The following OR5V1 variants were observed in gnomAD, a reference collection of about 807,000 sequenced individuals.
The protein encoded by OR5V1 is olfactory receptor family 5 subfamily V member 1, also known as olfactory receptor 5V1.
For missense variants in OR5V1, 365 were observed against 371.5 expected (o/e 0.98, Z 0.14); for synonymous variants, 134 against 143.2 (o/e 0.94, Z 0.46).
chr6:29,362,861 C>G (rs12197616), intron 1 of OR5V1, among the ~76,000 whole-genome samples: 27 of 151,626 alleles, frequency 1.8e-4, no homozygotes, highest in African/African-American at 6.3e-4. Flanking sequence ...GATTTAAAAT[C>G]GACCCCCTAA....
Position 29,355,752 on chromosome 6 carries a change from G to T in OR5V1, c.444C>A (p.Cys148Ter). ...CTGAGTTAAGGAAACCAGCAGCCCA[G>T]CATGAGGCTGCTAATTGATTGCATA... is the stretch of plus-strand genomic sequence containing the variant. ...KVLCNQLAAS[C>*]WAAGFLNSVV... The change falls in exon 2 of 2, where the codon TGC becomes TGA. Residue 148 changes from cysteine (C) to a stop codon, truncating the protein, a stop_gained. Transcript: ENST00000641768. LOFTEE classifies it low-confidence loss of function (END_TRUNC). 1 of 1,613,818 alleles carries T rather than the reference G, an allele frequency of 6.2e-7. No individual in the cohort carries two copies. Among genetic ancestry groups the T allele is most frequent in the South Asian group, 1.1e-5 (1 of 91,080 alleles).
chr6:29,368,232 T>A (rs59382990), intron 1 of OR5V1, among the ~76,000 whole-genome samples: 8,165 of 152,208 alleles, frequency 0.054, 523 homozygotes, highest in African/African-American at 0.16. Context: ...GCATGCAAGG[T>A]TATTAGATCC....
In OR5V1 at chr6:29,356,107, A is replaced by T. The variant is rs1178655962; in HGVS notation, c.89T>A (p.Ile30Asn). The change falls in exon 2 of 2, where the codon ATC becomes AAC. Residue 30 changes from isoleucine to asparagine, a missense_variant. By Grantham distance (149) the Ile-to-Asn change is moderately radical. Coordinates refer to ENST00000641768, the MANE Select transcript of OR5V1 (RefSeq NM_030876.6). Reference protein sequence around the residue: ...LNELQFLLFTIFFLTYFCTLG... With the variant: ...LNELQFLLFTNFFLTYFCTLG... The stretch of plus-strand genomic sequence containing the variant: ...AGTACAGAAATAAGTCAGAAAGAAG[A>T]TGGTGAATAGTAAAAACTGCAATTC... The T allele has an allele frequency of 1.2e-6, 2 of 1,613,666 alleles. No homozygotes were observed. The highest frequency in any genetic ancestry group is 3.3e-5 in the Admixed American group (2 of 59,946).
intron 1 of OR5V1, among the ~76,000 whole-genome samples, chr6:29,365,855 G>A (rs1194704765): frequency 2.0e-5 from 3 of 152,104 alleles, no homozygotes; most frequent in Non-Finnish European, 4.4e-5. Context: ...ACATGCATAC[G>A]TAGGTTTATT....
intron 1 of OR5V1, among the ~76,000 whole-genome samples, chr6:29,363,658 T>G (rs554045878): frequency 1.3e-5 from 2 of 152,266 alleles, no homozygotes; most frequent in East Asian, 3.9e-4. Context: ...CACAAATCAA[T>G]AAACATAATC....
rs1778132591 is a variant in OR5V1 at position 29,353,977 on chromosome 6, A to G, written c.*1253T>C. The G allele has an allele frequency of 6.6e-6, 1 of 152,144 alleles. No individual in the cohort carries two copies. Among genetic ancestry groups the G allele is most frequent in the Non-Finnish European group, 1.5e-5 (1 of 68,000 alleles). 9.4% of individuals were successfully genotyped at this position (152,144 alleles called of 1,614,324 possible). ...AACTCAGAAATGATGTGCAGGGTACATTAAACAGAATAGGAATGGAGACAA... is the reference window on the plus strand; with the variant it reads ...AACTCAGAAATGATGTGCAGGGTACGTTAAACAGAATAGGAATGGAGACAA... On this transcript the variant is annotated 3_prime_UTR_variant, in exon 2 of 2. Transcript: ENST00000641768.
intron 1 of OR5V1, among the ~76,000 whole-genome samples, chr6:29,358,716 A>G (rs896657462): frequency 1.3e-5 from 2 of 152,196 alleles, no homozygotes; most frequent in Non-Finnish European, 1.5e-5. Context: ...CAAGTATTGC[A>G]TGATCTCCCT....
rs1314369241 is a variant in OR5V1 at position 29,364,524 on chromosome 6, C to T, written c.-83+4108G>A. On this transcript the variant is annotated intron_variant, in intron 1 of 1. Coordinates refer to ENST00000641768, the MANE Select transcript of OR5V1 (RefSeq NM_030876.6). ...GCAAAAAGAACAAAGCTGGGCCGGG[C>T]GCGGTGGCTCACGCCTGTAATCCCA... 5.8e-5 allele frequency among the ~76,000 whole-genome samples: 5 copies of T among 85,724 alleles called. 2 individuals carry two copies. The highest frequency in any genetic ancestry group is 5.1e-4 in the Admixed American group (4 of 7,804). 56.2% of individuals were successfully genotyped at this position (85,724 alleles called of 152,430 possible).
intron 1 of OR5V1, among the ~76,000 whole-genome samples, chr6:29,364,327 C>G (rs1778736009): frequency 1.3e-5 from 2 of 152,048 alleles, no homozygotes; most frequent in South Asian, 4.2e-4. Context: ...ATTCCATGGT[C>G]ATGGATACGA....
Position 29,355,102 on chromosome 6 carries a change from T to TTAG in OR5V1, c.*125_*127dup. On this transcript the variant is annotated 3_prime_UTR_variant, in exon 2 of 2. Transcript: ENST00000641768. ...AACTAAAGCTCAAGAATAAGTACACTTAGACTGGAGTGTATCAACTCTTCA... is the reference window on the plus strand; with the variant it reads ...AACTAAAGCTCAAGAATAAGTACACTTAGTAGACTGGAGTGTATCAACTCTTCA... 1 of 826,044 alleles carries TTAG rather than the reference T, an allele frequency of 1.2e-6. No individual in the cohort carries two copies. Among genetic ancestry groups the TTAG allele is most frequent in the Non-Finnish European group, 1.8e-6 (1 of 548,988 alleles). The allele number at this position is 826,044 out of a possible 1,614,324, so 51.2% of individuals were successfully genotyped here.
chr6:29,355,600 A>C lies in OR5V1; in HGVS notation c.596T>G (p.Leu199Arg). The change falls in exon 2 of 2, where the codon CTG becomes CGG. Residue 199 changes from leucine to arginine, a missense_variant. Physicochemically the swap from Leu to Arg is moderately radical, Grantham distance 102. Transcript: ENST00000641768. ...ACCAATGAAGACCCCAGTGGATAGC[A>C]GTGCCAACTCATTGACAGAAGTGTT... ...CGNTSVNELA[L>R]LSTGVFIGWT... is the part of the protein sequence containing the mutation. 1.2e-6 allele frequency: 2 copies of C among 1,614,048 alleles called. No homozygotes were observed. Among genetic ancestry groups the C allele is most frequent in the Non-Finnish European group, 1.7e-6 (2 of 1,179,926 alleles).
chr6:29,356,956 C>T (rs1218799217), intron 1 of OR5V1, among the ~76,000 whole-genome samples: 1 of 152,054 alleles, frequency 6.6e-6, no homozygotes, highest in Non-Finnish European at 1.5e-5. Context: ...ATATATCCCA[C>T]CCTTATTAAT....
At chr6:29,358,810 G>A (rs1778434582) in intron 1 of OR5V1, among the ~76,000 whole-genome samples, 1 of 152,144 alleles carries the variant, frequency 6.6e-6, no homozygotes, top group African/African-American at 2.4e-5. Context: ...GAGTGGACAG[G>A]GGTGGACTGG....
intron 1 of OR5V1, among the ~76,000 whole-genome samples, chr6:29,365,473 C>T (rs1233977621): frequency 1.3e-5 from 2 of 151,932 alleles, no homozygotes; most frequent in East Asian, 3.9e-4. Context: ...AACAAACAAC[C>T]CCATCAAAAA....
In OR5V1 at chr6:29,355,854, T is replaced by C; in HGVS notation, c.342A>G (p.Leu114=). The C allele has an allele frequency of 6.2e-7, 1 of 1,614,036 alleles. No homozygotes were observed. Among genetic ancestry groups the C allele is most frequent in the Non-Finnish European group, 8.5e-7 (1 of 1,179,964 alleles). ...FVFFVGSECL[L]LAAMAYDRYI... ...AACGATCATATGCCATTGCTGCCAG[T>C]AGGAGACACTCTGATCCTACAAAGA... The change falls in exon 2 of 2, where the codon CTA becomes CTG. Residue 114 remains leucine (L), a synonymous_variant. Transcript: ENST00000641768.
chr6:29,362,137 C>G lies in OR5V1; in HGVS notation c.-82-5860G>C, dbSNP rs1319341500. ...AGAAAAAAAAAGCAGGGGTTGCAAT[C>G]CTAGTCTCTGATAAAACAGAATTTA... On this transcript the variant is annotated intron_variant, in intron 1 of 1. Transcript: ENST00000641768. 4.6e-5 allele frequency among the ~76,000 whole-genome samples: 7 copies of G among 151,902 alleles called. No homozygotes were observed. The East Asian group carries it at 7.7e-4, about 17-fold the overall frequency.
intron 1 of OR5V1, among the ~76,000 whole-genome samples, chr6:29,363,310 G>C (rs1008649389): frequency 6.6e-6 from 1 of 152,070 alleles, no homozygotes; most frequent in Non-Finnish European, 1.5e-5. Flanking sequence ...GTAATTAGTA[G>C]CCTAAAAAAA....
chr6:29,364,589 G>A lies in OR5V1; in HGVS notation c.-83+4043C>T, dbSNP rs866931429. Among the ~76,000 whole-genome samples, 387 of 69,356 alleles carry A rather than the reference G, an allele frequency of 5.6e-3. 143 individuals are homozygous for A. In the Middle Eastern group the frequency reaches 0.071, roughly 13 times the overall value. 45.5% of individuals were successfully genotyped at this position (69,356 alleles called of 152,430 possible). ...CGAGGCGGGCGGATCACGAGGTCAG[G>A]AGATCGAGACCATCCCGGCTAAAAC... On this transcript the variant is annotated intron_variant, in intron 1 of 1. Coordinates refer to ENST00000641768, the MANE Select transcript of OR5V1 (RefSeq NM_030876.6).
chr6:29,366,192 T>C (rs1206371224), intron 1 of OR5V1, among the ~76,000 whole-genome samples: 2 of 151,836 alleles, frequency 1.3e-5, no homozygotes, highest in Admixed American at 6.6e-5. Flanking sequence ...TTAGGACAAA[T>C]AGCTAATGCA....
Sources: gnomAD v4.1 joint callset for allele counts (sites outside exome capture counted in the v4.1 genomes callset) on GRCh38, gnomAD v4.1.1 for gene constraint, MANE v1.5 for transcripts, NCBI Gene and HGNC (gene_info 2026-07-23, HGNC 2026-07-21) for gene names.